The following CDC14A variants were observed in gnomAD, a reference collection of about 807,000 sequenced individuals.
The protein encoded by CDC14A is dual specificity protein phosphatase CDC14A.
In CDC14A, 53 loss-of-function variants were observed where a neutral mutation model predicts 74.4. The observed-to-expected ratio is 0.71, with a 90% CI of 0.57 to 0.89. The LOEUF (loss-of-function observed/expected upper bound fraction) is 0.89, where lower values mean the gene tolerates loss of function less well. Ranked by LOEUF, CDC14A falls within the 40% of genes least tolerant of loss-of-function variation. The pLI is 0.00. For missense variants in CDC14A, 646 were observed against 713.7 expected (o/e 0.91, Z 1.08); for synonymous variants, 247 against 258.4 (o/e 0.96, Z 0.43).
intron 7 of CDC14A, among the ~76,000 whole-genome samples, chr1:100,452,234 G>A (rs776711627): frequency 4.5e-4 from 68 of 152,100 alleles, no homozygotes; most frequent in African/African-American, 7.5e-4. Flanking sequence ...AAAATTGGCC[G>A]GGTGCAGTGG....
chr1:100,351,082 T>C (rs931913912), upstream of CDC14A, among the ~76,000 whole-genome samples: 5 of 151,976 alleles, frequency 3.3e-5, no homozygotes, highest in Non-Finnish European at 7.4e-5. Context: ...TAGATCCAAC[T>C]ATTTGGGAGA....
chr1:100,404,064 A>AGGGG (rs200270657), intron 4 of CDC14A, among the ~76,000 whole-genome samples: 14,790 of 152,210 alleles, frequency 0.097, 950 homozygotes, highest in East Asian at 0.18. Flanking sequence ...GAAAGTGAAT[A>AGGGG]AATTCATTAA....
chr1:100,381,190 C>T (rs747886741), intron 3 of CDC14A, among the ~76,000 whole-genome samples: 5 of 152,174 alleles, frequency 3.3e-5, no homozygotes, highest in Admixed American at 1.3e-4. Flanking sequence ...ATTTGCAGAT[C>T]CCCCTTTCTC....
At position 100,481,929 on chromosome 1, in the gene CDC14A, T is replaced by C. The variant is rs114829981; in HGVS notation, c.978-2363T>C. On this transcript the variant is annotated intron_variant, in intron 10 of 15. Transcript: ENST00000336454. ...GAGTAATAGACACCACAATAAAAGC[T>C]AGCATGGTTTGCATTTTCAATAAAA... Among the ~76,000 whole-genome samples, 974 of 152,356 alleles carry C rather than the reference T, an allele frequency of 6.4e-3. 10 individuals are homozygous for C. Among genetic ancestry groups the C allele is most frequent in the Non-Finnish European group, 9.9e-3 (672 of 68,032 alleles).
At chr1:100,450,459 A>G (rs1374340876) in intron 7 of CDC14A, among the ~76,000 whole-genome samples, 1 of 152,200 alleles carries the variant, frequency 6.6e-6, no homozygotes. Context: ...AGCAGTCCTC[A>G]GAATGCAAGT....
At chr1:100,466,478 A>G (rs1667815075) in intron 9 of CDC14A, among the ~76,000 whole-genome samples, 1 of 152,210 alleles carries the variant, frequency 6.6e-6, no homozygotes, top group African/African-American at 2.4e-5. Flanking sequence ...ACTCTTCGAA[A>G]GAACATTGAT....
At chr1:100,479,524 A>G (rs541370738) in intron 10 of CDC14A, among the ~76,000 whole-genome samples, 64 of 152,316 alleles carry the variant, frequency 4.2e-4, no homozygotes, top group Admixed American at 6.5e-4. Context: ...TTTTAGATAC[A>G]TGCAGTAGGT....
At chr1:100,442,814 A>G (rs2101132988) in intron 6 of CDC14A, 120 bp from the exon 7 acceptor site, 6 of 700,212 alleles carry the variant, frequency 8.6e-6, no homozygotes, top group South Asian at 5.0e-5. Flanking sequence ...ATTAAACATC[A>G]AAGGTTTCAA....
chr1:100,349,015 T>C (rs1360146294), upstream of CDC14A, among the ~76,000 whole-genome samples: 1 of 152,246 alleles, frequency 6.6e-6, no homozygotes, highest in Admixed American at 6.5e-5. Context: ...GCCAACATAG[T>C]GAAATCCTGT....
At position 100,352,781 on chromosome 1, in the gene CDC14A, C is replaced by T. The variant is rs867461404; in HGVS notation, c.-174C>T. The T allele has an allele frequency of 5.8e-5, 83 of 1,423,932 alleles. No homozygotes were observed. Among genetic ancestry groups the T allele is most frequent in the Middle Eastern group, 2.6e-4 (1 of 3,876 alleles). The allele number at this position is 1,423,932 out of a possible 1,614,324, so 88.2% of individuals were successfully genotyped here. On this transcript the variant is annotated 5_prime_UTR_variant, in exon 1 of 16. Transcript: ENST00000336454. ...TTCCCCTCGGAATGTCCCCGGGGCG[C>T]CCGGCGCGCTGACCCCGAAGCCGCC...
At chr1:100,465,059 G>A (rs112663525) in intron 9 of CDC14A, among the ~76,000 whole-genome samples, 8,861 of 151,544 alleles carry the variant, frequency 0.058, 875 homozygotes, top group African/African-American at 0.2. Flanking sequence ...CCAAGTATCT[G>A]GAATTACAGG....
intron 9 of CDC14A, among the ~76,000 whole-genome samples, chr1:100,465,318 T>C (rs535535581): frequency 2.4e-4 from 36 of 152,312 alleles, no homozygotes; most frequent in African/African-American, 8.4e-4. Context: ...AGTCAGTTCT[T>C]GTATAGGATA....
intron 4 of CDC14A, among the ~76,000 whole-genome samples, chr1:100,408,822 C>A (rs1409111348): frequency 6.6e-6 from 1 of 152,196 alleles, no homozygotes; most frequent in Admixed American, 6.5e-5. Context: ...TATCAATCAT[C>A]TGACACATTT....
chr1:100,452,338 G>T (rs1250343869), intron 7 of CDC14A, among the ~76,000 whole-genome samples: 2 of 151,874 alleles, frequency 1.3e-5, no homozygotes, highest in Non-Finnish European at 2.9e-5. Context: ...GGTGAAACCC[G>T]GTCTCTACTA....
intron 11 of CDC14A, chr1:100,484,912 G>C (rs693976): frequency 1.0e-6 from 1 of 974,614 alleles, no homozygotes; most frequent in Non-Finnish European, 1.2e-6. Flanking sequence ...AACAAACCAC[G>C]GTAAATAGTT....
chr1:100,394,836 C>T (rs78337799), intron 4 of CDC14A, among the ~76,000 whole-genome samples: 18,675 of 152,190 alleles, frequency 0.12, 1,416 homozygotes, highest in Non-Finnish European at 0.16. Flanking sequence ...TGCCTTTCTT[C>T]GTATTGTTTG....
chr1:100,377,650 G>A, intron 3 of CDC14A, 29 bp downstream of exon 3: 1 of 1,534,490 alleles, frequency 6.5e-7, no homozygotes, highest in Non-Finnish European at 9.0e-7. Flanking sequence ...TTTATAATTT[G>A]GAATTAAAAC....
At chr1:100,466,312 C>T (rs2101243266) in intron 9 of CDC14A, among the ~76,000 whole-genome samples, 1 of 152,262 alleles carries the variant, frequency 6.6e-6, no homozygotes, top group South Asian at 2.1e-4. Flanking sequence ...GGCTTCTGCT[C>T]CAGGATGTCA....
At chr1:100,439,386 T>C (rs934652914) in intron 5 of CDC14A, among the ~76,000 whole-genome samples, 2 of 152,222 alleles carry the variant, frequency 1.3e-5, no homozygotes, top group African/African-American at 4.8e-5. Flanking sequence ...GTTTTTATCA[T>C]ATTCCTGACA....
Sources: allele counts gnomAD v4.1 joint callset (sites outside exome capture counted in the v4.1 genomes callset), GRCh38; gene constraint gnomAD v4.1.1; transcripts MANE v1.5; gene names NCBI Gene and HGNC (gene_info 2026-07-23, HGNC 2026-07-21).